The following JMJD1C variants were observed in gnomAD, a reference collection of about 807,000 sequenced individuals.
JMJD1C encodes jumonji domain containing 1C.
JMJD1C carries 31 observed loss-of-function variants against 245.3 expected under a neutral mutation model. The observed-to-expected ratio is 0.13, with a 90% CI of 0.09 to 0.17. The LOEUF is 0.17. Among genes scored for constraint, JMJD1C ranks in the 10% least tolerant of loss-of-function variants. The pLI is 1.00. For missense variants in JMJD1C, 2,691 were observed against 3,000.2 expected (o/e 0.90, Z 2.41); for synonymous variants, 1,057 against 1,017.4 (o/e 1.04, Z -0.74).
chr10:63,196,860 A>T (rs1845517381), intron 13 of JMJD1C, among the ~76,000 whole-genome samples: 2 of 152,092 alleles, frequency 1.3e-5, no homozygotes, highest in African/African-American at 4.8e-5. Flanking sequence ...GCAATGGGGC[A>T]ATCACAGTTC....
At position 63,214,197 on chromosome 10, in the gene JMJD1C, T is replaced by G; in HGVS notation, c.1970A>C (p.Lys657Thr). The G allele has an allele frequency of 6.2e-7, 1 of 1,614,060 alleles. No individual in the cohort carries two copies. Among genetic ancestry groups the G allele is most frequent in the Middle Eastern group, 1.6e-4 (1 of 6,062 alleles). The change falls in exon 8 of 26, where the codon AAG becomes ACG. Residue 657 changes from lysine to threonine, a missense_variant. Around this residue, in one of 9 missense-constraint regions of JMJD1C, gnomAD observed 1,562 missense variants for 1,490.7 expected, o/e 1.05. Transcript: ENST00000399262. ...GCTGTTCACATAAGTGGCCTTAGAC[T>G]TTACAGAATCAGGAGAATGAGTTAT... ...PKITHSPDSVKSKATYVNSQA... is the reference protein window; with the variant it reads ...PKITHSPDSVTSKATYVNSQA...
At chr10:63,284,857 TCACACACACACACACACACA>T (rs57860875) in intron 2 of JMJD1C, among the ~76,000 whole-genome samples, 10,779 of 135,470 alleles carry the variant, frequency 0.08, 559 homozygotes, top group East Asian at 0.24. Context: ...CAGGGAAGAT[TCACACACACACACACACACA>T]CACACACACA....
Position 63,168,442 on chromosome 10 carries a change from T to C in JMJD1C, c.7526A>G (p.Lys2509Arg). The change falls in exon 25 of 26, where the codon AAA becomes AGA. Residue 2509 changes from lysine to arginine, a missense_variant. This residue lies in a region of JMJD1C where 232 missense variants were observed against 416.1 expected (regional missense o/e 0.56). Coordinates refer to ENST00000399262, the MANE Select transcript of JMJD1C (RefSeq NM_032776.3). ...LLKEEINYDD[K>R]LQVKNILYHA... is the part of the protein sequence containing the mutation. ...AGAACACCCAACTCTTACCTGTAGT[T>C]TATCATCATAATTGATTTCTTCCTT... The C allele has an allele frequency of 1.2e-6, 2 of 1,606,450 alleles. No homozygotes were observed.
intron 16 of JMJD1C, among the ~76,000 whole-genome samples, chr10:63,191,725 C>T (rs981232674): frequency 1.3e-5 from 2 of 152,052 alleles, no homozygotes; most frequent in African/African-American, 4.8e-5. Context: ...TGGCTCATAC[C>T]TGTAATCCCA....
intron 2 of JMJD1C, among the ~76,000 whole-genome samples, 195 bp from the exon 3 acceptor site, chr10:63,264,959 A>G (rs971130270): frequency 6.6e-6 from 1 of 152,100 alleles, no homozygotes; most frequent in Non-Finnish European, 1.5e-5. Context: ...AAAGAAACAA[A>G]CTAGATCTAC....
chr10:63,183,727 A>G (rs549571037), intron 21 of JMJD1C, among the ~76,000 whole-genome samples, 158 bp from the exon 22 acceptor site: 10 of 152,344 alleles, frequency 6.6e-5, no homozygotes, highest in African/African-American at 2.4e-4. Context: ...ACAATCTATA[A>G]AAGACCCTAT....
chr10:63,263,343 T>G (rs188780920), intron 3 of JMJD1C, among the ~76,000 whole-genome samples: 4 of 152,290 alleles, frequency 2.6e-5, no homozygotes, highest in Admixed American at 2.6e-4. Context: ...AACATCTCAT[T>G]TTGGTGGACC....
At chr10:63,323,860 T>C (rs998336418) in intron 2 of JMJD1C, among the ~76,000 whole-genome samples, 23 of 152,268 alleles carry the variant, frequency 1.5e-4, no homozygotes, top group Admixed American at 4.6e-4. Flanking sequence ...AGGCTCATTA[T>C]CTCATATGAT....
intron 2 of JMJD1C, among the ~76,000 whole-genome samples, chr10:63,281,581 C>T (rs1207102108): frequency 6.9e-6 from 1 of 144,328 alleles, no homozygotes; most frequent in Non-Finnish European, 1.5e-5. Flanking sequence ...AGCGGTTATC[C>T]TGCCTCAGCC....
chr10:63,311,194 A>G (rs1039886990), intron 2 of JMJD1C, among the ~76,000 whole-genome samples: 1 of 150,832 alleles, frequency 6.6e-6, no homozygotes, highest in African/African-American at 2.4e-5. Context: ...AAAATGATGA[A>G]ACCCCGGCTC....
intron 3 of JMJD1C, among the ~76,000 whole-genome samples, chr10:63,256,991 T>C (rs539399566): frequency 4.0e-5 from 6 of 151,894 alleles, no homozygotes; most frequent in Admixed American, 1.3e-4. Flanking sequence ...TCCGAACACG[T>C]TGGGAGGCCG....
intron 1 of JMJD1C, among the ~76,000 whole-genome samples, chr10:63,398,630 A>T (rs1336910873): frequency 6.6e-6 from 1 of 151,788 alleles, no homozygotes; most frequent in Non-Finnish European, 1.5e-5. Flanking sequence ...TTCATCATTT[A>T]CTATCTGAAA....
At chr10:63,318,588 G>A (rs1940407831) in intron 2 of JMJD1C, among the ~76,000 whole-genome samples, 2 of 151,580 alleles carry the variant, frequency 1.3e-5, no homozygotes, top group African/African-American at 2.4e-5. Context: ...AAAAATATAC[G>A]AACTGATAAT....
intron 4 of JMJD1C, among the ~76,000 whole-genome samples, chr10:63,218,479 C>G (rs908430421): frequency 2.0e-5 from 3 of 152,036 alleles, no homozygotes. Context: ...TCTTTTCTAA[C>G]TATTGAAGAA....
rs956795480 is a variant in JMJD1C, at chr10:63,202,534, A to C, written c.5075-1857T>G. 12 of 985,320 alleles carry C rather than the reference A, an allele frequency of 1.2e-5. No homozygotes were observed. In the African/African-American group the frequency reaches 1.4e-4, roughly 11 times the overall value. The allele number at this position is 985,320 out of a possible 1,614,324, so 61.0% of individuals were successfully genotyped here. On this transcript the variant is annotated intron_variant, in intron 10 of 25. Coordinates refer to ENST00000399262, the MANE Select transcript of JMJD1C (RefSeq NM_032776.3). ...CACTGTGTTTAAATAAACCATATAGAGTGACCCATTTGAAATCAGGTCCAA... is the reference window on the plus strand; with the variant it reads ...CACTGTGTTTAAATAAACCATATAGCGTGACCCATTTGAAATCAGGTCCAA...
At chr10:63,311,208 TAA>T (rs35736800) in intron 2 of JMJD1C, among the ~76,000 whole-genome samples, 15 of 128,736 alleles carry the variant, frequency 1.2e-4, no homozygotes, top group East Asian at 2.3e-4. Context: ...CCGGCTCTAT[TAA>T]AAAAAAAAAA....
At chr10:63,426,930 TA>T (rs1409243004) in intron 1 of JMJD1C, among the ~76,000 whole-genome samples, 2 of 152,234 alleles carry the variant, frequency 1.3e-5, no homozygotes, top group Admixed American at 6.5e-5. Context: ...TCATCAAGTA[TA>T]AAACTAACTA....
intron 2 of JMJD1C, among the ~76,000 whole-genome samples, chr10:63,309,221 G>A (rs953474228): frequency 2.2e-4 from 33 of 152,186 alleles, no homozygotes; most frequent in African/African-American, 7.2e-4. Context: ...CGCTGGGCAC[G>A]GGGGCTCATG....
chr10:63,496,360 A>G (rs899059717), intron 1 of JMJD1C, among the ~76,000 whole-genome samples: 1 of 152,164 alleles, frequency 6.6e-6, no homozygotes, highest in African/African-American at 2.4e-5. Context: ...TATTTTTAAA[A>G]AGAGAAAAAA....
Sources: allele counts gnomAD v4.1 joint callset (sites outside exome capture counted in the v4.1 genomes callset), GRCh38; gene constraint gnomAD v4.1.1; regional missense constraint gnomAD v4.1.1; transcripts MANE v1.5; gene names NCBI Gene and HGNC (gene_info 2026-07-23, HGNC 2026-07-21).